Variants in GABRG3 observed in about 807,000 individuals in gnomAD.
GABRG3 encodes the protein gamma-aminobutyric acid receptor subunit gamma-3.
Under a neutral mutation model 48.8 loss-of-function variants are expected in GABRG3, and 25 were observed. The ratio of observed to expected loss-of-function variants is 0.51; its 90% confidence interval spans 0.37 to 0.72. The LOEUF (loss-of-function observed/expected upper bound fraction) is 0.72. GABRG3 is among the 30% of genes least tolerant of loss of function. The pLI, the probability that GABRG3 is intolerant of heterozygous loss-of-function variation, is 0.00. For synonymous variants in GABRG3, 227 were observed against 217.6 expected (o/e 1.04, Z -0.38); for missense variants, 394 against 577.9 (o/e 0.68, Z 3.26).
intron 3 of GABRG3, among the ~76,000 whole-genome samples, chr15:27,097,945 T>G (rs1168979088): frequency 6.6e-6 from 1 of 151,782 alleles, no homozygotes; most frequent in Non-Finnish European, 1.5e-5. Context: ...TTATTCTTTT[T>G]TTTTTTAAAT....
intron 3 of GABRG3, among the ~76,000 whole-genome samples, chr15:27,157,460 C>T (rs577063362): frequency 3.9e-5 from 6 of 152,270 alleles, no homozygotes; most frequent in South Asian, 4.1e-4. Flanking sequence ...AGGCCCTTCC[C>T]GTATTTCATA....
intron 3 of GABRG3, among the ~76,000 whole-genome samples, chr15:27,102,268 A>G (rs1257979435): frequency 6.6e-6 from 1 of 152,184 alleles, no homozygotes; most frequent in African/African-American, 2.4e-5. Flanking sequence ...TGTTCTACAC[A>G]GTTTTAGAAA....
chr15:27,173,028 A>G (rs1289873815), intron 3 of GABRG3, among the ~76,000 whole-genome samples: 1 of 152,204 alleles, frequency 6.6e-6, no homozygotes, highest in African/African-American at 2.4e-5. Context: ...AATTCCACTC[A>G]TTCATCTGTG....
chr15:27,060,051 A>C (rs919528382), intron 3 of GABRG3, among the ~76,000 whole-genome samples: 1 of 152,226 alleles, frequency 6.6e-6, no homozygotes, highest in African/African-American at 2.4e-5. Flanking sequence ...ATAAACCAAG[A>C]GATAAGGAAA....
At chr15:27,441,669 CAG>C (rs1009023451) in intron 5 of GABRG3, among the ~76,000 whole-genome samples, 1 of 152,080 alleles carries the variant, frequency 6.6e-6, no homozygotes, top group Non-Finnish European at 1.5e-5. Context: ...TTGTTCAAAT[CAG>C]GGGGATTGGG....
intron 5 of GABRG3, among the ~76,000 whole-genome samples, chr15:27,339,107 G>C (rs960819305): frequency 3.9e-5 from 6 of 152,152 alleles, no homozygotes; most frequent in Non-Finnish European, 7.4e-5. Flanking sequence ...GGAGGGTCCT[G>C]TCTCCTAGTT....
Position 27,527,523 on chromosome 15 carries a change from T to C in GABRG3, c.956T>C (p.Phe319Ser), listed in dbSNP as rs1313615557. The C allele has an allele frequency of 6.2e-7, 1 of 1,613,866 alleles. No homozygotes were observed. Among genetic ancestry groups the C allele is most frequent in the Non-Finnish European group, 8.5e-7 (1 of 1,179,904 alleles). ...TCCTACGTGACCGCCATGGACCTTT[T>C]TGTGACCGTGTGCTTCCTGTTTGTC... is the stretch of plus-strand genomic sequence containing the variant. ...RVSYVTAMDLFVTVCFLFVFA... is the reference protein window; with the variant it reads ...RVSYVTAMDLSVTVCFLFVFA... The change falls in exon 8 of 10, where the codon TTT becomes TCT. Residue 319 changes from phenylalanine (F) to serine (S), a missense_variant. Physicochemically the swap from Phe to Ser is radical, Grantham distance 155. Coordinates refer to ENST00000615808, the MANE Select transcript of GABRG3 (RefSeq NM_033223.5).
intron 5 of GABRG3, among the ~76,000 whole-genome samples, chr15:27,339,705 G>A (rs961992455): frequency 6.6e-6 from 1 of 152,180 alleles, no homozygotes; most frequent in Admixed American, 6.5e-5. Context: ...ACAGGATTGC[G>A]CTGGTTCCTT....
At chr15:27,164,881 A>G (rs1887322574) in intron 3 of GABRG3, among the ~76,000 whole-genome samples, 1 of 152,214 alleles carries the variant, frequency 6.6e-6, no homozygotes, top group African/African-American at 2.4e-5. Flanking sequence ...AGTGATATTA[A>G]TACAGGTGGG....
chr15:27,231,476 A>G (rs1172548308), intron 3 of GABRG3, among the ~76,000 whole-genome samples: 1 of 152,148 alleles, frequency 6.6e-6, no homozygotes, highest in East Asian at 1.9e-4. Context: ...GAGGCAGAAG[A>G]GGGCTTGGTC....
chr15:26,989,894 GTGCCTGGCTTATT>G (rs1895216701), intron 2 of GABRG3, among the ~76,000 whole-genome samples: 3 of 152,110 alleles, frequency 2.0e-5, no homozygotes. Context: ...TTGTCTTTCT[GTGCCTGGCTTATT>G]TCACCTAATG....
At chr15:27,001,356 C>T (rs903518467) in intron 2 of GABRG3, among the ~76,000 whole-genome samples, 1 of 152,196 alleles carries the variant, frequency 6.6e-6, no homozygotes, top group African/African-American at 2.4e-5. Flanking sequence ...CCCAGGTGGG[C>T]CAGTGGAGCC....
In GABRG3 at chr15:27,369,747, C is replaced by T. The variant is rs1247769510; in HGVS notation, c.574+40859C>T. 3.0e-5 allele frequency among the ~76,000 whole-genome samples: 4 copies of T among 134,048 alleles called. No homozygotes were observed. In the Admixed American group the frequency reaches 3.7e-4, roughly 12 times the overall value. The allele number at this position is 134,048 out of a possible 152,430, so 87.9% of individuals were successfully genotyped here. Reference sequence around the variant, plus strand: ...GCGTGAACCCGGGAGGTGGAGGTTGCAGTGAGCTGAGATTGCACCACTGCA... The same window carrying T: ...GCGTGAACCCGGGAGGTGGAGGTTGTAGTGAGCTGAGATTGCACCACTGCA... On this transcript the variant is annotated intron_variant, in intron 5 of 9. Coordinates refer to ENST00000615808, the MANE Select transcript of GABRG3 (RefSeq NM_033223.5).
chr15:26,995,806 A>G (rs1895330247), intron 2 of GABRG3, among the ~76,000 whole-genome samples: 1 of 152,084 alleles, frequency 6.6e-6, no homozygotes, highest in African/African-American at 2.4e-5. Flanking sequence ...TTACATCTCA[A>G]TATATTACAA....
chr15:27,307,912 T>A (rs1438937330), intron 3 of GABRG3, among the ~76,000 whole-genome samples: 3 of 135,168 alleles, frequency 2.2e-5, no homozygotes, highest in Admixed American at 7.7e-5. Context: ...AATAAACATG[T>A]TTATATATAA....
intron 6 of GABRG3, among the ~76,000 whole-genome samples, chr15:27,510,847 C>A (rs780473355): frequency 6.0e-4 from 91 of 152,168 alleles, no homozygotes; most frequent in Admixed American, 9.8e-4. Flanking sequence ...AAGTTAAAAA[C>A]TGATTGTAAT....
intron 3 of GABRG3, among the ~76,000 whole-genome samples, chr15:27,287,358 C>T (rs947715623): frequency 6.6e-6 from 1 of 152,042 alleles, no homozygotes; most frequent in Non-Finnish European, 1.5e-5. Context: ...AAAAGAAACC[C>T]ATTACTAAAC....
intron 5 of GABRG3, among the ~76,000 whole-genome samples, chr15:27,347,714 T>C (rs1447029059): frequency 8.5e-5 from 13 of 152,184 alleles, no homozygotes; most frequent in Admixed American, 8.5e-4. Context: ...GGGGGACCCC[T>C]TGAGGTGGTT....
chr15:27,321,259 A>G (rs530178858), intron 3 of GABRG3, among the ~76,000 whole-genome samples: 1 of 152,168 alleles, frequency 6.6e-6, no homozygotes, highest in South Asian at 2.1e-4. Context: ...GTTAGTCTTT[A>G]TGTAAATCTA....
Sources: gnomAD v4.1 joint callset for allele counts (sites outside exome capture counted in the v4.1 genomes callset) on GRCh38, gnomAD v4.1.1 for gene constraint, MANE v1.5 for transcripts, NCBI Gene and HGNC (gene_info 2026-07-23, HGNC 2026-07-21) for gene names.